BABAM2: variants seen among roughly 807,000 people sequenced by gnomAD.
The protein encoded by BABAM2 is BRISC and BRCA1-A complex member 2.
A neutral mutation model predicts 54.7 loss-of-function variants in BABAM2; 31 were observed. The ratio of observed to expected loss-of-function variants is 0.57; its 90% CI spans 0.43 to 0.77. The LOEUF (loss-of-function observed/expected upper bound fraction) is 0.77. Among genes scored for constraint, BABAM2 ranks in the 30% least tolerant of loss-of-function variants. The pLI is 0.00. For synonymous variants in BABAM2, 167 were observed against 162.9 expected, an observed-to-expected ratio of 1.03 and a Z score of -0.19; for missense variants, 364 against 455.8, an observed-to-expected ratio of 0.80 and a Z score of 1.83.
intron 10 of BABAM2, among the ~76,000 whole-genome samples, chr2:28,273,328 A>G (rs1402448348): frequency 6.6e-6 from 1 of 152,090 alleles, no homozygotes; most frequent in African/African-American, 2.4e-5. Flanking sequence ...AGGACTGAGC[A>G]CCTCCTGCCT....
At chr2:27,976,691 A>G (rs147564976) in intron 3 of BABAM2, among the ~76,000 whole-genome samples, 72 of 152,336 alleles carry the variant, frequency 4.7e-4, no homozygotes, top group African/African-American at 1.7e-3. Context: ...ACAGAAAAAG[A>G]TGAATTTTAC....
At chr2:27,980,872 G>C (rs1671948609) in intron 3 of BABAM2, among the ~76,000 whole-genome samples, 2 of 151,944 alleles carry the variant, frequency 1.3e-5, no homozygotes, top group African/African-American at 4.8e-5. Context: ...AATTTATTGT[G>C]TATTTCAAAA....
Position 28,239,861 on chromosome 2 carries a change from C to A in BABAM2, c.781-1462C>A, listed in dbSNP as rs116518659. ...TTTCCGCTGCTTCAGAGGGTATGTC[C>A]ATAGACTATTCACTGTGGCAGAGGG... On this transcript the variant is annotated intron_variant, in intron 8 of 11. Coordinates refer to ENST00000379624, the MANE Select transcript of BABAM2 (RefSeq NM_199191.3). Among the ~76,000 whole-genome samples the A allele has an allele frequency of 5.7e-3, 867 of 152,246 alleles. 8 individuals carry two copies. Among genetic ancestry groups the A allele is most frequent in the African/African-American group, 0.02 (817 of 41,550 alleles).
intron 10 of BABAM2, among the ~76,000 whole-genome samples, chr2:28,294,379 C>CAAAA (rs113383946): frequency 1.1e-5 from 1 of 93,094 alleles, no homozygotes. Context: ...GACTCCATCT[C>CAAAA]AAAAAAAAAA....
intron 5 of BABAM2, among the ~76,000 whole-genome samples, chr2:28,040,908 A>G (rs1261866255): frequency 5.3e-5 from 8 of 152,234 alleles, no homozygotes; most frequent in African/African-American, 1.4e-4. Context: ...ACAAATTTGT[A>G]TTAATTCTAG....
intron 10 of BABAM2, among the ~76,000 whole-genome samples, chr2:28,283,102 A>G (rs2148199886): frequency 6.6e-6 from 1 of 152,090 alleles, no homozygotes; most frequent in African/African-American, 2.4e-5. Flanking sequence ...TCAGTAACCC[A>G]AAGTCGTACA....
intron 7 of BABAM2, among the ~76,000 whole-genome samples, chr2:28,182,316 T>A (rs919300642): frequency 2.0e-5 from 3 of 152,072 alleles, no homozygotes; most frequent in Non-Finnish European, 4.4e-5. Context: ...TATTACAGGG[T>A]CTGTATAGAA....
At chr2:28,266,554 C>T (rs1484068338) in intron 10 of BABAM2, among the ~76,000 whole-genome samples, 2 of 152,172 alleles carry the variant, frequency 1.3e-5, no homozygotes, top group East Asian at 3.8e-4. Flanking sequence ...TATAGTATTT[C>T]AAAGTACTTT....
At chr2:27,963,848 C>G (rs1470692035) in intron 3 of BABAM2, among the ~76,000 whole-genome samples, 1 of 152,180 alleles carries the variant, frequency 6.6e-6, no homozygotes, top group South Asian at 2.1e-4. Context: ...ATATAACATA[C>G]TTGTTCAACT....
chr2:28,295,345 A>G (rs1402602734), intron 10 of BABAM2, among the ~76,000 whole-genome samples: 1 of 152,166 alleles, frequency 6.6e-6, no homozygotes, highest in Non-Finnish European at 1.5e-5. Flanking sequence ...ATTGCAATTG[A>G]GTTCTACTGT....
intron 3 of BABAM2, among the ~76,000 whole-genome samples, chr2:27,939,413 A>G (rs1157416758): frequency 6.6e-6 from 1 of 152,242 alleles, no homozygotes; most frequent in East Asian, 1.9e-4. Context: ...AAGATATTCA[A>G]TTAAATATTT....
intron 4 of BABAM2, among the ~76,000 whole-genome samples, chr2:28,005,548 A>G (rs1010675504): frequency 3.3e-5 from 5 of 152,150 alleles, no homozygotes; most frequent in African/African-American, 7.2e-5. Context: ...GGGTGTTTTG[A>G]AAATTGATAA....
At chr2:28,198,570 A>G (rs919723612) in intron 7 of BABAM2, among the ~76,000 whole-genome samples, 4 of 152,128 alleles carry the variant, frequency 2.6e-5, no homozygotes, top group Admixed American at 1.3e-4. Flanking sequence ...AATTGTTGGT[A>G]CCTGAGGTAC....
chr2:28,148,669 C>T (rs1671733183), intron 7 of BABAM2, among the ~76,000 whole-genome samples: 1 of 152,146 alleles, frequency 6.6e-6, no homozygotes. Context: ...GTCCATATAC[C>T]AGGAGGGCCC....
In BABAM2 at chr2:28,069,905, C is replaced by T. The variant is rs115486403; in HGVS notation, c.570+24106C>T. Reference sequence around the variant, plus strand: ...ATGTTTCTTTTTTGAGATAGGGTCTCGCTCTGTTGCGCAGGCTGGATCACA... The same window carrying T: ...ATGTTTCTTTTTTGAGATAGGGTCTTGCTCTGTTGCGCAGGCTGGATCACA... On this transcript the variant is annotated intron_variant, in intron 6 of 11. Transcript: ENST00000379624. Among the ~76,000 whole-genome samples the T allele has an allele frequency of 7.6e-3, 1,151 of 152,278 alleles. 13 individuals carry two copies. The highest frequency in any genetic ancestry group is 0.026 in the African/African-American group (1,080 of 41,554).
Position 28,244,892 on chromosome 2 carries a change from G to A in BABAM2, c.934+30G>A, listed in dbSNP as rs766586863. 6.3e-6 allele frequency: 10 copies of A among 1,591,796 alleles called. No homozygotes were observed. The South Asian group carries it at 1.0e-4, about 16-fold the overall frequency. On this transcript the variant is annotated intron_variant, in intron 10 of 11. Transcript: ENST00000379624. ...GTATACTTTTGCTGTCAGCATGTCA[G>A]CATACATTTTTAAATGTCCTAAACC...
intron 5 of BABAM2, among the ~76,000 whole-genome samples, chr2:28,031,668 T>C (rs901557085): frequency 2.0e-5 from 3 of 152,186 alleles, no homozygotes; most frequent in Admixed American, 1.3e-4. Flanking sequence ...CAATACTGGA[T>C]AGATTACATC....
At chr2:28,330,114 C>T (rs576781301) in intron 11 of BABAM2, among the ~76,000 whole-genome samples, 71 of 152,096 alleles carry the variant, frequency 4.7e-4, no homozygotes, top group Non-Finnish European at 8.5e-4. Context: ...CAGAAAAGGC[C>T]TTCAATAAAA....
At chr2:28,168,101 G>A (rs1309088605) in intron 7 of BABAM2, among the ~76,000 whole-genome samples, 1 of 152,124 alleles carries the variant, frequency 6.6e-6, no homozygotes, top group Non-Finnish European at 1.5e-5. Flanking sequence ...TGTTACAGAG[G>A]AACTCAAGGA....
Sources: allele counts gnomAD v4.1 joint callset (sites outside exome capture counted in the v4.1 genomes callset), GRCh38; gene constraint gnomAD v4.1.1; transcripts MANE v1.5; gene names NCBI Gene and HGNC (gene_info 2026-07-23, HGNC 2026-07-21).